Variants in CA6 observed in about 807,000 individuals in gnomAD.
CA6 encodes the protein carbonate dehydratase VI.
CA6 carries 28 observed loss-of-function variants against 35.9 expected under a neutral mutation model. The observed-to-expected ratio is 0.78, with a 90% CI of 0.58 to 1.07. The LOEUF is 1.07. Ranked by LOEUF, CA6 falls within the 50% of genes least tolerant of loss-of-function variation. The pLI, the probability that CA6 is intolerant of heterozygous loss-of-function variation, is 0.00. For missense variants in CA6, 377 were observed against 382.0 expected (o/e 0.99, Z 0.11); for synonymous variants, 148 against 152.6 (o/e 0.97, Z 0.22).
intron 2 of CA6, among the ~76,000 whole-genome samples, chr1:8,950,751 C>T (rs1390651276): frequency 1.3e-5 from 2 of 151,886 alleles, no homozygotes; most frequent in Non-Finnish European, 2.9e-5. Context: ...GCCTGTAGTC[C>T]CAGCTACTCG....
intron 5 of CA6, among the ~76,000 whole-genome samples, chr1:8,965,897 A>T (rs1256470188): frequency 6.6e-6 from 1 of 151,986 alleles, no homozygotes; most frequent in Non-Finnish European, 1.5e-5. Flanking sequence ...AAAAAAAAAA[A>T]AAAGGCTGAA....
intron 5 of CA6, among the ~76,000 whole-genome samples, chr1:8,965,888 A>C (rs1036672810): frequency 1.2e-4 from 7 of 57,434 alleles, no homozygotes; most frequent in African/African-American, 1.1e-3. Context: ...CTCTGCTTCA[A>C]AAAAAAAAAA....
chr1:8,959,431 C>T (rs559159682), intron 4 of CA6, among the ~76,000 whole-genome samples: 1 of 152,016 alleles, frequency 6.6e-6, no homozygotes, highest in East Asian at 2.0e-4. Flanking sequence ...TCTCCTGCCT[C>T]AGCCTCCCAA....
chr1:8,970,205 CAAAAAAAAAAAAAAA>C (rs57388930), intron 6 of CA6, among the ~76,000 whole-genome samples: 1 of 88,012 alleles, frequency 1.1e-5, no homozygotes, highest in African/African-American at 4.4e-5. Context: ...ACTCTGGTCT[CAAAAAAAAAAAAAAA>C]AAAAAAAGAG....
At chr1:8,960,171 C>A (rs1420142298) in intron 4 of CA6, among the ~76,000 whole-genome samples, 1 of 150,204 alleles carries the variant, frequency 6.7e-6, no homozygotes, top group Non-Finnish European at 1.5e-5. Flanking sequence ...GCAGAGGCTG[C>A]AGTGAGCCAA....
intron 1 of CA6, among the ~76,000 whole-genome samples, chr1:8,948,551 C>A (rs1268397682): frequency 6.6e-6 from 1 of 151,946 alleles, no homozygotes; most frequent in African/African-American, 2.4e-5. Context: ...CATGGAAGGA[C>A]AACTGGGCCC....
Position 8,974,902 on chromosome 1 carries a change from A to G in CA6, c.*198A>G, listed in dbSNP as rs1640228701. On this transcript the variant is annotated 3_prime_UTR_variant, in exon 8 of 8. Coordinates refer to ENST00000377443, the MANE Select transcript of CA6 (RefSeq NM_001215.4). ...CCTGGACAGGAAGTGAGATGGCTTC[A>G]GTTCATGAGACGGGATCTGAGTTAG... 4 of 470,916 alleles carry G rather than the reference A, an allele frequency of 8.5e-6. No individual in the cohort carries two copies. The highest frequency in any genetic ancestry group is 1.5e-5 in the Non-Finnish European group (4 of 268,698). 29.2% of individuals were successfully genotyped at this position (470,916 alleles called of 1,614,324 possible). A position where few individuals can be genotyped will look rare whatever the true frequency, so the allele number is the denominator to read the frequency against.
At chr1:8,972,005 T>C (rs1210125340) in intron 7 of CA6, among the ~76,000 whole-genome samples, 1 of 152,210 alleles carries the variant, frequency 6.6e-6, no homozygotes, top group Non-Finnish European at 1.5e-5. Context: ...TCCAATACAG[T>C]AGAATCAGTA....
chr1:8,957,260 T>C lies in CA6; in HGVS notation c.383T>C (p.Val128Ala). The C allele has an allele frequency of 6.2e-7, 1 of 1,613,910 alleles. No homozygotes were observed. Among genetic ancestry groups the C allele is most frequent in the Non-Finnish European group, 8.5e-7 (1 of 1,179,844 alleles). Residue 128 changes from valine (V) to alanine (A), a missense_variant, in exon 3 of 8, where the codon GTG becomes GCG. Val to Ala is a moderately conservative substitution (Grantham distance 64). Transcript: ENST00000377443. The stretch of plus-strand genomic sequence containing the variant: ...GAGATCAGCGGCTCTGAGCACACCG[T>C]GGACGGGATCAGACATGTGATCGAG... ...SSEISGSEHT[V>A]DGIRHVIEIH... is the part of the protein sequence containing the mutation.
At chr1:8,950,781 T>C (rs1317193515) in intron 2 of CA6, among the ~76,000 whole-genome samples, 1 of 151,684 alleles carries the variant, frequency 6.6e-6, no homozygotes, top group East Asian at 1.9e-4. Context: ...GGTGGGAGGA[T>C]CACTTGAGCC....
chr1:8,970,792 C>T lies in CA6; in HGVS notation c.730-75C>T, dbSNP rs1055191482. 25 of 957,260 alleles carry T rather than the reference C, an allele frequency of 2.6e-5. No individual in the cohort carries two copies. The Middle Eastern group carries it at 8.5e-4, about 33-fold the overall frequency. The allele number at this position is 957,260 out of a possible 1,614,324, so 59.3% of individuals were successfully genotyped here. Reference sequence around the variant, plus strand: ...CTGGGATTACAGGCGTGAGCCACTGCGCCGGGCCAACTGTTATTTCTTTTA... The same window carrying T: ...CTGGGATTACAGGCGTGAGCCACTGTGCCGGGCCAACTGTTATTTCTTTTA... On this transcript the variant is annotated intron_variant, in intron 6 of 7. Transcript: ENST00000377443.
At chr1:8,965,261 A>G (rs532276668) in intron 5 of CA6, among the ~76,000 whole-genome samples, 1 of 152,212 alleles carries the variant, frequency 6.6e-6, no homozygotes, top group South Asian at 2.1e-4. Context: ...GACAACAACA[A>G]CAAACTTACC....
intron 7 of CA6, chr1:8,974,364 C>T: frequency 2.6e-6 from 4 of 1,527,976 alleles, no homozygotes; most frequent in South Asian, 2.5e-5. Context: ...CCACGGGGGG[C>T]ATCGTGGGAG....
intron 4 of CA6, among the ~76,000 whole-genome samples, chr1:8,960,408 A>C (rs944650062): frequency 2.0e-5 from 3 of 152,024 alleles, no homozygotes; most frequent in African/African-American, 4.8e-5. Flanking sequence ...TAAAAAAAAA[A>C]AACAACTATC....
In CA6 at chr1:8,974,608, T is replaced by G; in HGVS notation, c.845-14T>G. ...CAAGGTTTAACCATTTCCGACTAACTCTTCTTTTTACAGAATACACTCTAG... is the reference window on the plus strand; with the variant it reads ...CAAGGTTTAACCATTTCCGACTAACGCTTCTTTTTACAGAATACACTCTAG... On this transcript the variant is annotated splice_polypyrimidine_tract_variant and intron_variant, in intron 7 of 7. Transcript: ENST00000377443. 2 of 1,585,306 alleles carry G rather than the reference T, an allele frequency of 1.3e-6. No homozygotes were observed. Among genetic ancestry groups the G allele is most frequent in the Non-Finnish European group, 1.7e-6 (2 of 1,156,246 alleles).
In CA6 at chr1:8,957,254, A is replaced by C; in HGVS notation, c.377A>C (p.His126Pro). 6.2e-7 allele frequency: 1 copy of C among 1,613,904 alleles called. No homozygotes were observed. The highest frequency in any genetic ancestry group is 8.5e-7 in the Non-Finnish European group (1 of 1,179,868). ...GASSEISGSEHTVDGIRHVIE... is the reference protein window; with the variant it reads ...GASSEISGSEPTVDGIRHVIE... ...TCCTCGGAGATCAGCGGCTCTGAGC[A>C]CACCGTGGACGGGATCAGACATGTG... Residue 126 changes from histidine to proline, a missense_variant, in exon 3 of 8, where the codon CAC (histidine) becomes CCC (proline). Physicochemically the swap from His to Pro is moderately conservative, Grantham distance 77. Transcript: ENST00000377443.
intron 7 of CA6, among the ~76,000 whole-genome samples, chr1:8,973,787 TTCC>T (rs1263161983): frequency 2.0e-4 from 17 of 84,988 alleles, no homozygotes; most frequent in African/African-American, 3.2e-4. Context: ...TTTCTTTCTT[TTCC>T]CTCCCTCCCT....
chr1:8,962,558 T>TA (rs1412207197), intron 4 of CA6, 29 bp from the exon 5 acceptor site: 3 of 1,591,240 alleles, frequency 1.9e-6, no homozygotes, highest in African/African-American at 2.7e-5. Context: ...CTTCTTCACT[T>TA]ACGCTCAGTG....
At chr1:8,959,840 G>T (rs1482267606) in intron 4 of CA6, among the ~76,000 whole-genome samples, 4 of 149,190 alleles carry the variant, frequency 2.7e-5, no homozygotes, top group Non-Finnish European at 4.4e-5. Context: ...GCTGAGGCAG[G>T]AGAATCACTT....
Sources: gnomAD v4.1 joint callset for allele counts (sites outside exome capture counted in the v4.1 genomes callset) on GRCh38, gnomAD v4.1.1 for gene constraint, MANE v1.5 for transcripts, NCBI Gene and HGNC (gene_info 2026-07-23, HGNC 2026-07-21) for gene names.